Variants in COPG2 observed in about 807,000 individuals in gnomAD.
The protein encoded by COPG2 is coat protein complex I subunit gamma 2, also known as coatomer subunit gamma-2.
Under a neutral mutation model 46.3 loss-of-function variants are expected in COPG2, and 37 were observed. That is an observed-to-expected ratio of 0.80 (90% CI 0.61 to 1.05). COPG2 has a LOEUF of 1.05. Ranked by LOEUF, COPG2 falls within the 50% of genes least tolerant of loss-of-function variation. The probability of loss-of-function intolerance (pLI) is 0.00; values close to 1 mark genes in which losing one functional copy is unlikely to be tolerated. For missense variants in COPG2, 427 were observed against 387.8 expected (o/e 1.10, Z -0.85); for synonymous variants, 159 against 129.7 (o/e 1.23, Z -1.53).
intron 9 of COPG2, among the ~76,000 whole-genome samples, chr7:130,573,225 A>G (rs931359886): frequency 7.3e-5 from 11 of 149,680 alleles, no homozygotes; most frequent in Non-Finnish European, 1.6e-4. Flanking sequence ...AAAAAAAAAA[A>G]CCACAGATCC....
intron 7 of COPG2, among the ~76,000 whole-genome samples, chr7:130,612,734 G>A (rs1794874118): frequency 6.6e-6 from 1 of 152,092 alleles, no homozygotes; most frequent in Non-Finnish European, 1.5e-5. Context: ...GTGTTCTGCT[G>A]AAAAACGGAA....
At chr7:130,576,563 G>C (rs556996519) in intron 9 of COPG2, among the ~76,000 whole-genome samples, 1 of 152,200 alleles carries the variant, frequency 6.6e-6, no homozygotes, top group Admixed American at 6.5e-5. Flanking sequence ...TACAGCAAAG[G>C]CAGTGCTAAG....
chr7:130,517,001 C>T (rs1799683833), intron 20 of COPG2, among the ~76,000 whole-genome samples: 2 of 152,108 alleles, frequency 1.3e-5, no homozygotes. Flanking sequence ...GGGGAGTATC[C>T]AGAAGAACCC....
chr7:130,521,947 G>A (rs1239809615), intron 20 of COPG2, among the ~76,000 whole-genome samples: 1 of 152,142 alleles, frequency 6.6e-6, no homozygotes, highest in Admixed American at 6.6e-5. Context: ...AGGTGGAGAG[G>A]CACCGTAGAT....
chr7:130,534,875 G>A (rs1008815701), intron 20 of COPG2, among the ~76,000 whole-genome samples: 1 of 152,148 alleles, frequency 6.6e-6, no homozygotes, highest in South Asian at 2.1e-4. Flanking sequence ...AAGAAAGGAG[G>A]AAGAGGAGGA....
Position 130,642,138 on chromosome 7 carries a change from T to G in COPG2, c.323+10731A>C, listed in dbSNP as rs140112660. ...TCTCTCAGGACTCAATTCCAGACTT[T>G]CACTGGGTGGGTGCCATCACATAAG... On this transcript the variant is annotated intron_variant, in intron 5 of 23. Transcript: ENST00000425248. Among the ~76,000 whole-genome samples the G allele has an allele frequency of 1.4e-4, 21 of 152,314 alleles. No homozygotes were observed. The East Asian group carries it at 4.0e-3, about 29-fold the overall frequency.
At chr7:130,530,015 G>T (rs1799809216) in intron 20 of COPG2, among the ~76,000 whole-genome samples, 1 of 152,178 alleles carries the variant, frequency 6.6e-6, no homozygotes. Context: ...CCCAGTGGGA[G>T]AGAGTATGCC....
rs113916918 is a variant in COPG2, at chr7:130,509,430, G to A, written c.2150-771C>T. 1,989 of 399,280 alleles carry A rather than the reference G, an allele frequency of 5.0e-3. 21 individuals are homozygous for A. Among genetic ancestry groups the A allele is most frequent in the Middle Eastern group, 0.024 (30 of 1,236 alleles). The allele number at this position is 399,280 out of a possible 1,614,324, so 24.7% of individuals were successfully genotyped here. A position where few individuals can be genotyped will look rare whatever the true frequency, so the allele number is the denominator to read the frequency against. On this transcript the variant is annotated intron_variant, in intron 20 of 23. Transcript: ENST00000425248. ...AAAAGGCATTTAGGATCTTGTCTATGGTCTGGAAAAAGCTTATAGGTACAA... is the reference window on the plus strand; with the variant it reads ...AAAAGGCATTTAGGATCTTGTCTATAGTCTGGAAAAAGCTTATAGGTACAA...
At chr7:130,602,177 A>G (rs1209235085) in intron 9 of COPG2, among the ~76,000 whole-genome samples, 1 of 152,222 alleles carries the variant, frequency 6.6e-6, no homozygotes, top group African/African-American at 2.4e-5. Flanking sequence ...CCACATAGCA[A>G]GAGATAACAC....
intron 9 of COPG2, chr7:130,608,159 G>C: frequency 2.4e-6 from 1 of 422,340 alleles, no homozygotes; most frequent in Non-Finnish European, 4.7e-6. Flanking sequence ...ATCCTCAAGA[G>C]ATTACAATAT....
chr7:130,510,078 C>T (rs782274293), intron 20 of COPG2: 4 of 519,908 alleles, frequency 7.7e-6, no homozygotes, highest in African/African-American at 3.8e-5. Context: ...AATGATTTTC[C>T]AACAGGCTCT....
intron 3 of COPG2, among the ~76,000 whole-genome samples, chr7:130,663,693 G>A (rs1307413273): frequency 4.6e-5 from 7 of 150,544 alleles, no homozygotes; most frequent in Non-Finnish European, 1.0e-4. Context: ...CTGATTCAGT[G>A]GCTCTGGGGT....
chr7:130,568,199 T>C (rs2116411732), intron 9 of COPG2, among the ~76,000 whole-genome samples: 1 of 152,178 alleles, frequency 6.6e-6, no homozygotes, highest in African/African-American at 2.4e-5. Context: ...CACTTGAACC[T>C]GGGAGACGGA....
intron 5 of COPG2, among the ~76,000 whole-genome samples, chr7:130,631,229 T>C (rs544312445): frequency 1.4e-5 from 2 of 147,394 alleles, no homozygotes; most frequent in African/African-American, 2.5e-5. Flanking sequence ...TGGAGTGCAG[T>C]GGCATCATCT....
chr7:130,597,768 T>C (rs933309976), intron 9 of COPG2, among the ~76,000 whole-genome samples: 1 of 152,168 alleles, frequency 6.6e-6, no homozygotes, highest in Non-Finnish European at 1.5e-5. Flanking sequence ...CTAAAAAATA[T>C]ATGCTAACAT....
At chr7:130,635,798 G>A (rs1200588903) in intron 5 of COPG2, among the ~76,000 whole-genome samples, 2 of 151,932 alleles carry the variant, frequency 1.3e-5, no homozygotes, top group Non-Finnish European at 2.9e-5. Context: ...GTGATATTGG[G>A]GTGTAGATTT....
chr7:130,575,890 T>C (rs552125321), intron 9 of COPG2, among the ~76,000 whole-genome samples: 48 of 152,128 alleles, frequency 3.2e-4, no homozygotes, highest in Non-Finnish European at 1.8e-4. Context: ...CTCATGCAAA[T>C]GGACACCAAA....
chr7:130,550,654 G>A lies in COPG2; in HGVS notation c.1649-5C>T, dbSNP rs1793524954. On this transcript the variant is annotated splice_region_variant and splice_polypyrimidine_tract_variant and intron_variant, in intron 16 of 23. Transcript: ENST00000425248. ...CTGGTACAGAGACCGTCAAACCTGTGAAACATAGAGAAATCTCAGCATTAT... is the reference window on the plus strand; with the variant it reads ...CTGGTACAGAGACCGTCAAACCTGTAAAACATAGAGAAATCTCAGCATTAT... 5.0e-6 allele frequency: 2 copies of A among 397,000 alleles called. No homozygotes were observed. The highest frequency in any genetic ancestry group is 8.8e-5 in the Admixed American group (2 of 22,690). 24.6% of individuals were successfully genotyped at this position (397,000 alleles called of 1,614,324 possible).
intron 20 of COPG2, among the ~76,000 whole-genome samples, chr7:130,513,375 A>ATGTGTG (rs1168901549): frequency 2.2e-5 from 1 of 45,970 alleles, no homozygotes; most frequent in African/African-American, 5.7e-5. Flanking sequence ...ATATATATAT[A>ATGTGTG]TGTGTGTGTG....
Sources: allele counts gnomAD v4.1 joint callset (sites outside exome capture counted in the v4.1 genomes callset), GRCh38; gene constraint gnomAD v4.1.1; transcripts MANE v1.5; gene names NCBI Gene and HGNC (gene_info 2026-07-23, HGNC 2026-07-21).